PPIL6: variants seen among roughly 807,000 people sequenced by gnomAD.
PPIL6 encodes probable inactive peptidyl-prolyl cis-trans isomerase-like 6.
In PPIL6, 39 loss-of-function variants were observed where a neutral mutation model predicts 36.8. The observed-to-expected ratio is 1.06, with a 90% CI of 0.82 to 1.38. PPIL6 has a LOEUF of 1.38. Among genes scored for constraint, PPIL6 ranks in the 40% most tolerant of loss-of-function variants. The probability of loss-of-function intolerance (pLI) is 0.00; values close to 1 mark genes in which losing one functional copy is unlikely to be tolerated. For missense variants in PPIL6, 368 were observed against 379.1 expected, an observed-to-expected ratio of 0.97 and a Z score of 0.24; for synonymous variants, 123 against 134.1, an observed-to-expected ratio of 0.92 and a Z score of 0.57.
In PPIL6 at chr6:109,413,003, C is replaced by A. The variant is rs569464138; in HGVS notation, c.688+6184G>T. ...TGAAACCCTGTCTCTACTAAAAATA[C>A]AAAAATTAGCCAGGTGTAGTTATGT... On this transcript the variant is annotated intron_variant, in intron 6 of 7. Transcript: ENST00000521072. This position sits in a 1 kb window ranked among gnomAD's most constrained non-coding sequence, Gnocchi z 4.6. Among the ~76,000 whole-genome samples the A allele has an allele frequency of 2.0e-5, 3 of 151,972 alleles. No individual in the cohort carries two copies. Among genetic ancestry groups the A allele is most frequent in the African/African-American group, 7.2e-5 (3 of 41,398 alleles).
chr6:109,393,537 T>C (rs969883020), intron 7 of PPIL6, among the ~76,000 whole-genome samples: 2 of 152,176 alleles, frequency 1.3e-5, no homozygotes, highest in African/African-American at 4.8e-5. Flanking sequence ...GCATGGTCTT[T>C]TAGAAATAGC....
intron 6 of PPIL6, among the ~76,000 whole-genome samples, chr6:109,416,742 A>G (rs1773279419): frequency 6.6e-6 from 1 of 152,060 alleles, no homozygotes; most frequent in Non-Finnish European, 1.5e-5. Flanking sequence ...TAGATCTTTT[A>G]CCTTCCTTTT....
intron 6 of PPIL6, 93 bp from the exon 7 acceptor site, chr6:109,400,263 C>A: frequency 1.0e-6 from 1 of 966,114 alleles, no homozygotes; most frequent in Non-Finnish European, 1.5e-6. Flanking sequence ...CTTGGTAACA[C>A]TCTCAATCAT....
intron 6 of PPIL6, among the ~76,000 whole-genome samples, chr6:109,405,933 C>A (rs780747742): frequency 6.6e-6 from 1 of 152,142 alleles, no homozygotes; most frequent in Non-Finnish European, 1.5e-5. Flanking sequence ...TTTTGGGCTA[C>A]TATCCTGTTT....
intron 6 of PPIL6, among the ~76,000 whole-genome samples, chr6:109,411,558 T>C (rs1773014619): frequency 2.0e-5 from 3 of 152,232 alleles, no homozygotes; most frequent in African/African-American, 7.2e-5. Flanking sequence ...ACCCCAACTA[T>C]AGCTGGTCAA....
chr6:109,399,602 C>T (rs536991146), intron 7 of PPIL6, among the ~76,000 whole-genome samples: 1 of 152,162 alleles, frequency 6.6e-6, no homozygotes, highest in Non-Finnish European at 1.5e-5. Context: ...GGGGTTTTAC[C>T]ATGTTGGGCA....
At position 109,426,943 on chromosome 6, in the gene PPIL6, T is replaced by C. The variant is rs751125032; in HGVS notation, c.535A>G (p.Thr179Ala). The change falls in exon 5 of 8, where the codon ACA (threonine) becomes GCA (alanine). Residue 179 changes from threonine (T) to alanine (A), a missense_variant. Physicochemically the swap from Thr to Ala is moderately conservative, Grantham distance 58. Transcript: ENST00000521072. Reference sequence around the variant, plus strand: ...CGTTGAGAAAACCCTGCTTTTCCTGTGCACAAGACCTGAAAATTTTTACAT... The same window carrying C: ...CGTTGAGAAAACCCTGCTTTTCCTGCGCACAAGACCTGAAAATTTTTACAT... ...KTCKNFQVLC[T>A]GKAGFSQRGI... 1 of 1,608,462 alleles carries C rather than the reference T, an allele frequency of 6.2e-7. No individual in the cohort carries two copies.
chr6:109,431,387 T>C, intron 2 of PPIL6, 42 bp from the exon 3 acceptor site: 5 of 1,422,948 alleles, frequency 3.5e-6, no homozygotes, highest in Non-Finnish European at 4.8e-6. Context: ...ACGTAAGAAG[T>C]GGGGGGAAAA....
At chr6:109,437,548 C>CTTTTTTTTTT (rs71551374) in intron 1 of PPIL6, among the ~76,000 whole-genome samples, 24 of 97,948 alleles carry the variant, frequency 2.5e-4, no homozygotes, top group Admixed American at 4.2e-4. Context: ...TATTTCTTTT[C>CTTTTTTTTTT]TTTTTTTTTT....
intron 6 of PPIL6, chr6:109,404,876 A>ACC (rs1772728293): frequency 5.1e-6 from 1 of 194,472 alleles, no homozygotes; most frequent in Admixed American, 6.0e-5. Flanking sequence ...CCACAGTGAA[A>ACC]CCCCGTCTCT....
In PPIL6 at chr6:109,438,437, G is replaced by A. The variant is rs529594509; in HGVS notation, c.135+2019C>T. ...TTCCAAAAAAAGAAAAAAAAAACTA[G>A]CTGAATTTTCATATTTGAATATAAC... On this transcript the variant is annotated intron_variant, in intron 1 of 7. Transcript: ENST00000521072. 2.6e-5 allele frequency among the ~76,000 whole-genome samples: 4 copies of A among 151,736 alleles called. No individual in the cohort carries two copies. In the East Asian group the frequency reaches 5.8e-4, roughly 22 times the overall value.
At chr6:109,397,213 AATAG>A (rs1772336669) in intron 7 of PPIL6, among the ~76,000 whole-genome samples, 2 of 73,286 alleles carry the variant, frequency 2.7e-5, no homozygotes, top group African/African-American at 3.9e-5. Flanking sequence ...CTTGAGGCAG[AATAG>A]CAGAATAGAA....
At chr6:109,428,758 G>C (rs1203362891) in intron 3 of PPIL6, among the ~76,000 whole-genome samples, 1 of 151,812 alleles carries the variant, frequency 6.6e-6, no homozygotes, top group Non-Finnish European at 1.5e-5. Context: ...TAATTAATTT[G>C]TGCCTCTCAG....
intron 2 of PPIL6, among the ~76,000 whole-genome samples, chr6:109,433,993 G>A (rs1774308713): frequency 6.6e-6 from 1 of 152,176 alleles, no homozygotes; most frequent in Non-Finnish European, 1.5e-5. Context: ...CAATTTCCTA[G>A]AGTCCAGTGG....
At position 109,431,431 on chromosome 6, in the gene PPIL6, A is replaced by G. The variant is rs1774155522; in HGVS notation, c.232-86T>C. The G allele has an allele frequency of 7.8e-6, 7 of 898,968 alleles. No individual in the cohort carries two copies. In the Admixed American group the frequency reaches 8.9e-5, roughly 11 times the overall value. 55.7% of individuals were successfully genotyped at this position (898,968 alleles called of 1,614,324 possible). A position where few individuals can be genotyped will look rare whatever the true frequency, so the allele number is the denominator to read the frequency against. ...ACCCATAAGCCAGAGCTTAGGATCA[A>G]CTCTAGGTCTGAATTTGTCAACTCT... On this transcript the variant is annotated intron_variant, in intron 2 of 7. Coordinates refer to ENST00000521072, the MANE Select transcript of PPIL6 (RefSeq NM_173672.5).
chr6:109,397,860 T>G (rs914945038), intron 7 of PPIL6, among the ~76,000 whole-genome samples: 3 of 151,364 alleles, frequency 2.0e-5, no homozygotes, highest in African/African-American at 7.4e-5. Flanking sequence ...TTATTTGGAT[T>G]TAAATGATTC....
chr6:109,438,470 G>C (rs1774580754), intron 1 of PPIL6, among the ~76,000 whole-genome samples: 1 of 151,780 alleles, frequency 6.6e-6, no homozygotes, highest in Non-Finnish European at 1.5e-5. Context: ...AACTACAGTA[G>C]GTAAAAGTTT....
chr6:109,396,044 C>CCAGGATGG (rs1772293321), intron 7 of PPIL6, among the ~76,000 whole-genome samples: 3 of 152,004 alleles, frequency 2.0e-5, no homozygotes, highest in Non-Finnish European at 4.4e-5. Context: ...ACCGTGTTAG[C>CCAGGATGG]CAGGATGGTC....
chr6:109,415,332 T>C (rs1773201906), intron 6 of PPIL6, among the ~76,000 whole-genome samples: 3 of 152,354 alleles, frequency 2.0e-5, no homozygotes, highest in Non-Finnish European at 4.4e-5. Flanking sequence ...CTTGAGTAAC[T>C]GGAACCCTTC....
Sources: gnomAD v4.1 joint callset for allele counts (sites outside exome capture counted in the v4.1 genomes callset) on GRCh38, gnomAD v4.1.1 for gene constraint, Gnocchi (gnomAD v3.1) non-coding constraint, MANE v1.5 for transcripts, NCBI Gene and HGNC (gene_info 2026-07-23, HGNC 2026-07-21) for gene names.